SNX1: variants seen among roughly 807,000 people sequenced by gnomAD.
The protein encoded by SNX1 is sorting nexin-1.
In SNX1, 36 loss-of-function variants were observed where a neutral mutation model predicts 71.8. The observed-to-expected ratio is 0.50, with a 90% CI of 0.38 to 0.66. SNX1 has a LOEUF of 0.66. SNX1 is among the 30% of genes least tolerant of loss of function. The pLI is 0.00. For missense variants in SNX1, 612 were observed against 646.7 expected, an observed-to-expected ratio of 0.95 and a Z score of 0.58; for synonymous variants, 254 against 240.7, an observed-to-expected ratio of 1.06 and a Z score of -0.51.
intron 1 of SNX1, among the ~76,000 whole-genome samples, chr15:64,103,593 TGTTCAG>T (rs2080987394): frequency 6.6e-6 from 1 of 152,240 alleles, no homozygotes; most frequent in Admixed American, 6.5e-5. Context: ...CCTATAAAAC[TGTTCAG>T]GCTTGGTATT....
chr15:64,105,665 C>G (rs1405175550), intron 1 of SNX1, among the ~76,000 whole-genome samples: 3 of 152,056 alleles, frequency 2.0e-5, no homozygotes, highest in Non-Finnish European at 4.4e-5. Flanking sequence ...TTTTCTGGGC[C>G]CTTTCTAAGT....
chr15:64,103,982 TTTG>T (rs1455926728), intron 1 of SNX1, among the ~76,000 whole-genome samples: 1 of 152,190 alleles, frequency 6.6e-6, no homozygotes, highest in African/African-American at 2.4e-5. Flanking sequence ...AACACTTGTT[TTTG>T]GAGTTAACAT....
intron 6 of SNX1, 46 bp from the exon 7 acceptor site, chr15:64,127,128 C>T: frequency 6.9e-7 from 1 of 1,439,666 alleles, no homozygotes; most frequent in South Asian, 1.2e-5. Flanking sequence ...GATTTATCCT[C>T]TTCATGATGA....
At chr15:64,127,066 C>G (rs770804929) in intron 6 of SNX1, 108 bp from the exon 7 acceptor site, 41 of 794,128 alleles carry the variant, frequency 5.2e-5, no homozygotes, top group Non-Finnish European at 2.9e-5. Context: ...TGGCCTTAGG[C>G]TGTGTGCTAG....
rs763649714 is a variant in SNX1 at position 64,127,227 on chromosome 15, G to A, written c.706G>A (p.Glu236Lys). ...KEDSSSAEFL[E>K]KRRAALERYL... ...AGATTCTTCTTCTGCAGAATTTCTT[G>A]AAAAACGGAGGGCCGCTTTAGAAAG... Residue 236 changes from glutamate to lysine, a missense_variant, in exon 7 of 15, where the codon GAA (glutamate) becomes AAA (lysine). Physicochemically the swap from Glu to Lys is moderately conservative, Grantham distance 56. Around this residue, in one of 2 missense-constraint regions of SNX1, gnomAD observed 296 missense variants for 361.9 expected, o/e 0.82. Transcript: ENST00000559844. 1 of 1,613,646 alleles carries A rather than the reference G, an allele frequency of 6.2e-7. No homozygotes were observed. The highest frequency in any genetic ancestry group is 1.1e-5 in the South Asian group (1 of 91,014).
At chr15:64,114,358 C>A (rs774504118) in intron 2 of SNX1, among the ~76,000 whole-genome samples, 4 of 151,466 alleles carry the variant, frequency 2.6e-5, no homozygotes, top group Non-Finnish European at 5.9e-5. Flanking sequence ...TAATGGATAT[C>A]AAAAAAAAGT....
At chr15:64,136,994 C>T (rs2081366109) in intron 14 of SNX1, 62 bp downstream of exon 14, 13 of 1,377,304 alleles carry the variant, frequency 9.4e-6, no homozygotes, top group East Asian at 4.6e-5. Context: ...GCTGCCTCCT[C>T]GGGGCTTCTG....
At chr15:64,133,055 T>G (rs2081322906) in intron 11 of SNX1, among the ~76,000 whole-genome samples, 1 of 152,090 alleles carries the variant, frequency 6.6e-6, no homozygotes, top group Non-Finnish European at 1.5e-5. Context: ...ACCACAGGGG[T>G]GAGGGCCTTG....
rs1305493913 is a variant in SNX1, at chr15:64,130,210, T to C, written c.922-18T>C. 8 of 1,611,358 alleles carry C rather than the reference T, an allele frequency of 5.0e-6. No individual in the cohort carries two copies. Among genetic ancestry groups the C allele is most frequent in the Non-Finnish European group, 6.8e-6 (8 of 1,177,502 alleles). Reference sequence around the variant, plus strand: ...CATAAAAGTAATCTCATTAAAGTTCTGGGCTTTTGTGTTTCAGTGGTTTGA... The same window carrying C: ...CATAAAAGTAATCTCATTAAAGTTCCGGGCTTTTGTGTTTCAGTGGTTTGA... On this transcript the variant is annotated intron_variant, in intron 9 of 14. Transcript: ENST00000559844.
intron 1 of SNX1, among the ~76,000 whole-genome samples, chr15:64,103,000 C>T (rs1203023946): frequency 6.6e-6 from 1 of 152,056 alleles, no homozygotes; most frequent in Non-Finnish European, 1.5e-5. Context: ...CTCCTGGGCT[C>T]AAGTGATGTG....
intron 9 of SNX1, 84 bp downstream of exon 9, chr15:64,130,113 T>C (rs555173061): frequency 6.8e-7 from 1 of 1,467,650 alleles, no homozygotes; most frequent in African/African-American, 1.4e-5. Flanking sequence ...ATTTCTGAGA[T>C]TAGAAACTTT....
chr15:64,139,150 A>G lies in SNX1; in HGVS notation c.*1532A>G, dbSNP rs1294156675. The G allele has an allele frequency of 6.6e-6, 1 of 152,160 alleles. No homozygotes were observed. Among genetic ancestry groups the G allele is most frequent in the African/African-American group, 2.4e-5 (1 of 41,426 alleles). 9.4% of individuals were successfully genotyped at this position (152,160 alleles called of 1,614,324 possible). On this transcript the variant is annotated 3_prime_UTR_variant, in exon 15 of 15. Transcript: ENST00000559844. ...GTCTTTATTATATGCTTGCTTTTAC[A>G]TAGTTGTAATAATATACACATAAAG... is the stretch of plus-strand genomic sequence containing the variant.
chr15:64,131,270 C>G (rs2081303609), intron 10 of SNX1, among the ~76,000 whole-genome samples: 1 of 152,164 alleles, frequency 6.6e-6, no homozygotes, highest in Non-Finnish European at 1.5e-5. Flanking sequence ...AAAGTTTGCC[C>G]TACTCTAGAA....
At chr15:64,131,927 G>C (rs1171269230) in intron 11 of SNX1, 35 bp downstream of exon 11, 1 of 1,604,380 alleles carries the variant, frequency 6.2e-7, no homozygotes, top group Admixed American at 1.7e-5. Context: ...TCCTTCCCTT[G>C]ATTTGATTTG....
chr15:64,127,133 T>C, intron 6 of SNX1, 41 bp from the exon 7 acceptor site: 1 of 1,452,788 alleles, frequency 6.9e-7, no homozygotes, highest in Non-Finnish European at 9.6e-7. Flanking sequence ...ATCCTCTTCA[T>C]GATGATTTAT....
intron 1 of SNX1, among the ~76,000 whole-genome samples, chr15:64,098,255 G>A (rs1210610434): frequency 6.6e-6 from 1 of 152,220 alleles, no homozygotes; most frequent in East Asian, 1.9e-4. Context: ...ATGGAAGACA[G>A]CTACTGTTGG....
At chr15:64,106,628 A>T (rs56391279) in intron 1 of SNX1, among the ~76,000 whole-genome samples, 11,549 of 152,256 alleles carry the variant, frequency 0.076, 1,384 homozygotes, top group African/African-American at 0.26. Flanking sequence ...TATGGAAGTT[A>T]TCCTGGATTA....
At chr15:64,126,012 G>T in intron 5 of SNX1, 67 bp from the exon 6 acceptor site, 1 of 1,534,152 alleles carries the variant, frequency 6.5e-7, no homozygotes, top group Non-Finnish European at 9.0e-7. Flanking sequence ...AATGTCAATA[G>T]GATGACTTTC....
intron 1 of SNX1, among the ~76,000 whole-genome samples, chr15:64,098,778 A>G (rs372229862): frequency 3.9e-5 from 6 of 152,266 alleles, no homozygotes; most frequent in South Asian, 4.2e-4. Flanking sequence ...TGGAGTTATC[A>G]ATACCTCTTT....
Sources: gnomAD v4.1 joint callset for allele counts (sites outside exome capture counted in the v4.1 genomes callset) on GRCh38, gnomAD v4.1.1 for gene constraint, gnomAD v4.1.1 regional missense constraint, MANE v1.5 for transcripts, NCBI Gene and HGNC (gene_info 2026-07-23, HGNC 2026-07-21) for gene names.